VSTM5: variants seen among roughly 807,000 people sequenced by gnomAD.
VSTM5 encodes the protein V-set and transmembrane domain-containing protein 5.
A neutral mutation model predicts 20.3 loss-of-function variants in VSTM5; 21 were observed. The observed-to-expected ratio is 1.03, with a 90% CI of 0.73 to 1.49. The LOEUF (loss-of-function observed/expected upper bound fraction) is 1.49. VSTM5 is among the 40% of genes most tolerant of loss of function. VSTM5 has a pLI of 0.00. For missense variants in VSTM5, 219 were observed against 250.0 expected (o/e 0.88, Z 0.84); for synonymous variants, 100 against 102.5 (o/e 0.98, Z 0.14).
At position 93,820,558 on chromosome 11, in the gene VSTM5, C is replaced by T; in HGVS notation, c.*11G>A. 1 of 1,551,804 alleles carries T rather than the reference C, an allele frequency of 6.4e-7. No individual in the cohort carries two copies. Among genetic ancestry groups the T allele is most frequent in the Non-Finnish European group, 8.7e-7 (1 of 1,147,030 alleles). On this transcript the variant is annotated 3_prime_UTR_variant, in exon 4 of 4. Transcript: ENST00000409977. ...CTCTTGAGGTAGGAATGCAGTCAGG[C>T]CCAGCCTTGGCTAACACTCAACATC... is the stretch of plus-strand genomic sequence containing the variant.
chr11:93,847,517 T>A (rs1944423808), intron 1 of VSTM5, among the ~76,000 whole-genome samples: 1 of 152,190 alleles, frequency 6.6e-6, no homozygotes, highest in African/African-American at 2.4e-5. Context: ...TGTATATGTG[T>A]GTGTGTTGGG....
intron 1 of VSTM5, among the ~76,000 whole-genome samples, chr11:93,832,321 C>T (rs1591399421): frequency 6.6e-6 from 1 of 152,162 alleles, no homozygotes; most frequent in Non-Finnish European, 1.5e-5. Flanking sequence ...GAGAATGATT[C>T]CACTTAAATA....
At chr11:93,831,308 C>G (rs79043178) in intron 1 of VSTM5, among the ~76,000 whole-genome samples, 3,312 of 152,216 alleles carry the variant, frequency 0.022, 117 homozygotes, top group African/African-American at 0.076. Context: ...GGATTACAGG[C>G]GGCACAGTTT....
At chr11:93,828,531 A>C (rs1944255901) in intron 1 of VSTM5, among the ~76,000 whole-genome samples, 1 of 152,234 alleles carries the variant, frequency 6.6e-6, no homozygotes, top group South Asian at 2.1e-4. Flanking sequence ...ACAAAGGTCA[A>C]TACTGTTGAG....
At chr11:93,833,403 A>C (rs1944297845) in intron 1 of VSTM5, among the ~76,000 whole-genome samples, 1 of 151,972 alleles carries the variant, frequency 6.6e-6, no homozygotes, top group African/African-American at 2.4e-5. Flanking sequence ...ACATGGCGAA[A>C]CCCCATCTCT....
intron 1 of VSTM5, among the ~76,000 whole-genome samples, chr11:93,847,650 G>T (rs963685252): frequency 2.0e-5 from 3 of 152,250 alleles, no homozygotes; most frequent in African/African-American, 7.2e-5. Context: ...GGGAGCACTG[G>T]GTGGGTACTC....
At position 93,833,772 on chromosome 11, in the gene VSTM5, G is replaced by A. The variant is rs547081771; in HGVS notation, c.92-12449C>T. Reference sequence around the variant, plus strand: ...CTCTTCATTCTTTAAACATGTTGGCGCCCTTTACTGCAAGTTACAGCATCA... The same window carrying A: ...CTCTTCATTCTTTAAACATGTTGGCACCCTTTACTGCAAGTTACAGCATCA... On this transcript the variant is annotated intron_variant, in intron 1 of 3. Transcript: ENST00000409977. Among the ~76,000 whole-genome samples, 16 of 152,022 alleles carry A rather than the reference G, an allele frequency of 1.1e-4. No homozygotes were observed. The South Asian group carries it at 1.9e-3, about 18-fold the overall frequency.
At chr11:93,825,418 C>T (rs1297557330) in intron 1 of VSTM5, among the ~76,000 whole-genome samples, 1 of 152,234 alleles carries the variant, frequency 6.6e-6, no homozygotes. Flanking sequence ...TATCCAACTG[C>T]CTCAGCCTTC....
At chr11:93,846,298 C>T (rs1944410203) in intron 1 of VSTM5, among the ~76,000 whole-genome samples, 1 of 152,180 alleles carries the variant, frequency 6.6e-6, no homozygotes. Context: ...TCTCCTGGCC[C>T]TTGCCCCGCT....
intron 1 of VSTM5, among the ~76,000 whole-genome samples, chr11:93,844,652 GC>G (rs910115087): frequency 3.9e-5 from 6 of 152,118 alleles, no homozygotes; most frequent in African/African-American, 1.2e-4. Context: ...CTCACAGTTC[GC>G]CAGTGCTAAG....
rs1276191529 is a variant in VSTM5, at chr11:93,821,317, C to T, written c.98G>A (p.Gly33Asp). 1.3e-6 allele frequency: 2 copies of T among 1,549,920 alleles called. No individual in the cohort carries two copies. Among genetic ancestry groups the T allele is most frequent in the Non-Finnish European group, 1.7e-6 (2 of 1,145,522 alleles). The change falls in exon 2 of 4, where the codon GGT becomes GAT. Residue 33 changes from glycine (G) to aspartate (D), a missense_variant. Transcript: ENST00000409977. ...LAAARCLQSQ[G>D]VSLYIPQATI... Reference sequence around the variant, plus strand: ...GGCCTGAGGAATGTATAGGGACACACCCTGACCTGCAGGATGATATGCTGG... The same window carrying T: ...GGCCTGAGGAATGTATAGGGACACATCCTGACCTGCAGGATGATATGCTGG...
At chr11:93,843,963 T>C (rs1045791631) in intron 1 of VSTM5, among the ~76,000 whole-genome samples, 7 of 152,162 alleles carry the variant, frequency 4.6e-5, no homozygotes, top group Non-Finnish European at 7.4e-5. Flanking sequence ...ATCTTTAATG[T>C]CATCTCCTCT....
At chr11:93,830,975 C>T (rs1267679810) in intron 1 of VSTM5, among the ~76,000 whole-genome samples, 2 of 151,958 alleles carry the variant, frequency 1.3e-5, no homozygotes, top group Non-Finnish European at 2.9e-5. Flanking sequence ...CCAAGCTGGT[C>T]TTGAACTCCT....
At chr11:93,828,188 A>G (rs928452766) in intron 1 of VSTM5, among the ~76,000 whole-genome samples, 12 of 152,230 alleles carry the variant, frequency 7.9e-5, no homozygotes, top group Non-Finnish European at 2.9e-5. Context: ...GAGGAACTAA[A>G]TTTCTAGGCA....
intron 1 of VSTM5, among the ~76,000 whole-genome samples, chr11:93,839,498 A>G (rs1278051612): frequency 6.6e-6 from 1 of 152,216 alleles, no homozygotes; most frequent in Non-Finnish European, 1.5e-5. Flanking sequence ...CTTCAGGCAT[A>G]AAGTGGGAAT....
At chr11:93,842,768 A>G (rs1442574054) in intron 1 of VSTM5, among the ~76,000 whole-genome samples, 1 of 152,230 alleles carries the variant, frequency 6.6e-6, no homozygotes, top group Non-Finnish European at 1.5e-5. Flanking sequence ...ATGTTATAGG[A>G]TGCCTGAAGG....
At chr11:93,825,095 G>GATGCCTT (rs1944221311) in intron 1 of VSTM5, among the ~76,000 whole-genome samples, 1 of 152,220 alleles carries the variant, frequency 6.6e-6, no homozygotes, top group South Asian at 2.1e-4. Context: ...CAGGAGGCAT[G>GATGCCTT]ATGCCTTCAG....
Position 93,823,077 on chromosome 11 carries a change from A to G in VSTM5, c.92-1754T>C, listed in dbSNP as rs540055620. 6.6e-4 allele frequency among the ~76,000 whole-genome samples: 101 copies of G among 152,362 alleles called. 1 individual carries two copies. In the Middle Eastern group the frequency reaches 0.01, roughly 15 times the overall value. The stretch of plus-strand genomic sequence containing the variant: ...CGGTTACTTTGGCCCAAGAAACTGC[A>G]AAACTAAAAAATAAATAAAAATAAC... On this transcript the variant is annotated intron_variant, in intron 1 of 3. Transcript: ENST00000409977.
chr11:93,828,935 C>T (rs1384864473), intron 1 of VSTM5, among the ~76,000 whole-genome samples: 2 of 152,172 alleles, frequency 1.3e-5, no homozygotes, highest in Non-Finnish European at 2.9e-5. Flanking sequence ...AGGACACACC[C>T]AGGCTCTACC....
Sources: allele counts gnomAD v4.1 joint callset (sites outside exome capture counted in the v4.1 genomes callset), GRCh38; gene constraint gnomAD v4.1.1; transcripts MANE v1.5; gene names NCBI Gene and HGNC (gene_info 2026-07-23, HGNC 2026-07-21).